CSMD1: variants seen among roughly 807,000 people sequenced by gnomAD.
The protein encoded by CSMD1 is CUB and sushi domain-containing protein 1.
A neutral mutation model predicts 417.5 loss-of-function variants in CSMD1; 213 were observed. The ratio of observed to expected loss-of-function variants is 0.51; its 90% confidence interval spans 0.46 to 0.57. The LOEUF (loss-of-function observed/expected upper bound fraction) is 0.57. Among genes scored for constraint, CSMD1 ranks in the 20% least tolerant of loss-of-function variants. The pLI is 0.00. For missense variants in CSMD1, 6,923 were observed against 4,529.7 expected, an observed-to-expected ratio of 1.53 and a Z score of -15.17; for synonymous variants, 2,862 against 1,736.8, an observed-to-expected ratio of 1.65 and a Z score of -16.11.
intron 10 of CSMD1, among the ~76,000 whole-genome samples, chr8:3,545,398 A>G (rs1031717982): frequency 5.9e-5 from 9 of 152,214 alleles, no homozygotes; most frequent in Non-Finnish European, 8.8e-5. Context: ...ATAAACAGCC[A>G]TTGTGATGTC....
At chr8:4,513,752 A>G (rs921989453) in intron 2 of CSMD1, among the ~76,000 whole-genome samples, 1 of 152,202 alleles carries the variant, frequency 6.6e-6, no homozygotes, top group African/African-American at 2.4e-5. Flanking sequence ...TGGCAAAAAT[A>G]CATAAATTTC....
intron 6 of CSMD1, among the ~76,000 whole-genome samples, chr8:3,719,227 G>A (rs1245775512): frequency 6.6e-6 from 1 of 151,368 alleles, no homozygotes; most frequent in Non-Finnish European, 1.5e-5. Context: ...AGCCTTCCAA[G>A]GTGTTCACCT....
intron 1 of CSMD1, among the ~76,000 whole-genome samples, chr8:4,761,973 A>G (rs1019682881): frequency 4.7e-5 from 7 of 150,242 alleles, no homozygotes; most frequent in African/African-American, 1.7e-4. Flanking sequence ...CTAGATTCCC[A>G]GTGGAAAAGC....
intron 3 of CSMD1, among the ~76,000 whole-genome samples, chr8:4,231,777 C>G (rs1274509682): frequency 6.6e-6 from 1 of 152,184 alleles, no homozygotes; most frequent in Non-Finnish European, 1.5e-5. Flanking sequence ...GCCACAGCCT[C>G]AGTCCCCATA....
intron 16 of CSMD1, among the ~76,000 whole-genome samples, chr8:3,399,133 C>T (rs577370318): frequency 2.6e-5 from 4 of 152,216 alleles, no homozygotes; most frequent in South Asian, 2.1e-4. Flanking sequence ...GAGTCAGATA[C>T]AAGGGTCGGA....
intron 6 of CSMD1, among the ~76,000 whole-genome samples, chr8:3,722,846 C>T (rs13270179): frequency 0.72 from 109,331 of 152,128 alleles, 39,915 homozygotes; most frequent in South Asian, 0.85. Flanking sequence ...TGAGATTCCC[C>T]GATTTCAGGG....
intron 5 of CSMD1, among the ~76,000 whole-genome samples, chr8:3,995,042 A>C (rs1195332048): frequency 6.6e-6 from 1 of 152,162 alleles, no homozygotes; most frequent in Non-Finnish European, 1.5e-5. Flanking sequence ...CTGTCTATGC[A>C]ATTCGGGAAT....
chr8:4,408,856 A>T (rs1034362820), intron 3 of CSMD1, among the ~76,000 whole-genome samples: 1 of 152,208 alleles, frequency 6.6e-6, no homozygotes, highest in African/African-American at 2.4e-5. Context: ...TTTGAAAAAT[A>T]TACTTACGTT....
chr8:4,942,487 ACTTAT>A (rs902149407), intron 1 of CSMD1, among the ~76,000 whole-genome samples: 20 of 152,224 alleles, frequency 1.3e-4, no homozygotes, highest in African/African-American at 3.9e-4. Context: ...AAATATTTTA[ACTTAT>A]ATTTGTTAAA....
At chr8:3,632,085 T>C (rs1012913447) in intron 7 of CSMD1, among the ~76,000 whole-genome samples, 10 of 152,258 alleles carry the variant, frequency 6.6e-5, no homozygotes, top group African/African-American at 1.9e-4. Context: ...GATTTTGTTA[T>C]TGTTGCTTTT....
At chr8:2,964,356 G>C (rs1216765234) in intron 59 of CSMD1, among the ~76,000 whole-genome samples, 7 of 152,176 alleles carry the variant, frequency 4.6e-5, no homozygotes, top group African/African-American at 1.7e-4. Flanking sequence ...TCCTTCCTGA[G>C]ACCCCACAGC....
At chr8:3,396,469 A>G in intron 16 of CSMD1, 88 bp from the exon 17 acceptor site, 1 of 922,798 alleles carries the variant, frequency 1.1e-6, no homozygotes, top group South Asian at 1.8e-5. Flanking sequence ...TTAATCAGAA[A>G]CCCATGTACG....
At chr8:4,334,404 A>T (rs552133510) in intron 3 of CSMD1, among the ~76,000 whole-genome samples, 1 of 152,124 alleles carries the variant, frequency 6.6e-6, no homozygotes, top group Non-Finnish European at 1.5e-5. Flanking sequence ...GGGGAACTTT[A>T]AGAGCAAATA....
chr8:3,649,841 G>C (rs1797757988), intron 7 of CSMD1, among the ~76,000 whole-genome samples: 1 of 152,132 alleles, frequency 6.6e-6, no homozygotes, highest in Non-Finnish European at 1.5e-5. Flanking sequence ...GCAATACCTT[G>C]CTAGATGTTT....
At chr8:4,617,657 T>C (rs959880126) in intron 2 of CSMD1, among the ~76,000 whole-genome samples, 2 of 152,166 alleles carry the variant, frequency 1.3e-5, no homozygotes, top group African/African-American at 2.4e-5. Flanking sequence ...GTGGCTGAAG[T>C]CTCATTGTTT....
intron 11 of CSMD1, among the ~76,000 whole-genome samples, chr8:3,478,937 G>A (rs946189339): frequency 3.9e-5 from 6 of 152,042 alleles, no homozygotes; most frequent in Admixed American, 1.3e-4. Context: ...GGTAGAGTGG[G>A]CGGAATAGGT....
intron 3 of CSMD1, among the ~76,000 whole-genome samples, chr8:4,266,079 T>G (rs74713498): frequency 9.7e-6 from 1 of 103,328 alleles, no homozygotes; most frequent in South Asian, 3.8e-4. Context: ...CCACCGCACA[T>G]AGACTCACCA....
chr8:3,708,382 TCAATCCTCA>T, intron 7 of CSMD1, 23 bp downstream of exon 7: 6 of 1,586,196 alleles, frequency 3.8e-6, no homozygotes, highest in Non-Finnish European at 3.5e-6. Flanking sequence ...CAAGGGCGTA[TCAATCCTCA>T]GATAGAAAGG....
intron 1 of CSMD1, among the ~76,000 whole-genome samples, chr8:4,683,052 A>G (rs1248507223): frequency 6.7e-6 from 1 of 149,372 alleles, no homozygotes; most frequent in Non-Finnish European, 1.5e-5. Flanking sequence ...GTATTAGAAT[A>G]GTCCAATGTC....
Sources: allele counts gnomAD v4.1 joint callset (sites outside exome capture counted in the v4.1 genomes callset), GRCh38; gene constraint gnomAD v4.1.1; transcripts MANE v1.5; gene names NCBI Gene and HGNC (gene_info 2026-07-23, HGNC 2026-07-21).